The following ATRIP variants were observed in gnomAD, a reference collection of about 807,000 sequenced individuals.
The protein encoded by ATRIP is ATR interacting protein, also known as ATR-interacting protein.
A neutral mutation model predicts 78.1 loss-of-function variants in ATRIP; 44 were observed. The observed-to-expected ratio is 0.56, with a 90% confidence interval of 0.44 to 0.72. ATRIP has a LOEUF of 0.72. Among genes scored for constraint, ATRIP ranks in the 30% least tolerant of loss-of-function variants. The pLI, the probability that ATRIP is intolerant of heterozygous loss-of-function variation, is 0.00. For synonymous variants in ATRIP, 388 were observed against 408.9 expected (o/e 0.95, Z 0.62); for missense variants, 927 against 980.2 (o/e 0.95, Z 0.72).
At chr3:48,448,481 A>G (rs1162182851) in intron 1 of ATRIP, among the ~76,000 whole-genome samples, 4 of 152,198 alleles carry the variant, frequency 2.6e-5, no homozygotes, top group Admixed American at 2.0e-4. Flanking sequence ...GCACCCAGCC[A>G]TGAACACCCC....
intron 1 of ATRIP, among the ~76,000 whole-genome samples, chr3:48,448,554 G>A (rs984842570): frequency 1.3e-5 from 2 of 152,220 alleles, no homozygotes; most frequent in Non-Finnish European, 2.9e-5. Flanking sequence ...CCTTAACATG[G>A]CCTGAAAGGC....
chr3:48,466,923 G>A lies in ATRIP; in HGVS notation c.*1369G>A, dbSNP rs1158056849. ...CAGCGAGATCACAGGTCTGAGCACA[G>A]CTGTGCTGGCAGCGCATGGGCGTCA... On this transcript the variant is annotated 3_prime_UTR_variant, in exon 13 of 13. Transcript: ENST00000320211. 14 of 1,611,496 alleles carry A rather than the reference G, an allele frequency of 8.7e-6. No individual in the cohort carries two copies. The highest frequency in any genetic ancestry group is 5.3e-5 in the African/African-American group (4 of 74,944).
Position 48,464,572 on chromosome 3 carries a change from C to T in ATRIP, c.1975-10C>T, listed in dbSNP as rs769820311. 1 of 1,614,106 alleles carries T rather than the reference C, an allele frequency of 6.2e-7. No individual in the cohort carries two copies. The highest frequency in any genetic ancestry group is 8.5e-7 in the Non-Finnish European group (1 of 1,179,954). On this transcript the variant is annotated splice_polypyrimidine_tract_variant and intron_variant, in intron 10 of 12. Transcript: ENST00000320211. ...CTGCCCAGGATGGAACCAATCTGTT[C>T]TTGTTCTAGGTGGTGTGGCTCCTGG...
chr3:48,450,863 C>T (rs1278350863), intron 2 of ATRIP, among the ~76,000 whole-genome samples: 4 of 151,768 alleles, frequency 2.6e-5, no homozygotes, highest in Non-Finnish European at 5.9e-5. Flanking sequence ...GCTACCACAC[C>T]CAGCGACCCA....
At chr3:48,447,765 T>C (rs1223111432) in intron 1 of ATRIP, among the ~76,000 whole-genome samples, 2 of 152,204 alleles carry the variant, frequency 1.3e-5, no homozygotes, top group Non-Finnish European at 1.5e-5. Context: ...GATCATTTCC[T>C]GGAAACCCAG....
Position 48,450,454 on chromosome 3 carries a change from A to G in ATRIP, c.381+284A>G, listed in dbSNP as rs1004358677. 5.8e-6 allele frequency: 7 copies of G among 1,214,552 alleles called. No homozygotes were observed. In the African/African-American group the frequency reaches 1.1e-4, roughly 19 times the overall value. 75.2% of individuals were successfully genotyped at this position (1,214,552 alleles called of 1,614,324 possible). ...ATTTATAGCATGTATCTTCATGTGA[A>G]TAATACAACTTCATAATGGTTGCTA... On this transcript the variant is annotated intron_variant, in intron 2 of 12. Transcript: ENST00000320211.
chr3:48,448,417 T>G (rs957645045), intron 1 of ATRIP, among the ~76,000 whole-genome samples: 2 of 152,220 alleles, frequency 1.3e-5, no homozygotes, highest in Non-Finnish European at 2.9e-5. Flanking sequence ...TGACCTCAGG[T>G]GATCCACCCG....
chr3:48,450,589 A>ATTTTTT, intron 2 of ATRIP: 9 of 986,112 alleles, frequency 9.1e-6, no homozygotes, highest in African/African-American at 1.9e-5. Flanking sequence ...TGTGACCCAG[A>ATTTTTT]TTTTTTTTTT....
chr3:48,453,119 T>C (rs1352816691), intron 3 of ATRIP, among the ~76,000 whole-genome samples: 1 of 152,122 alleles, frequency 6.6e-6, no homozygotes, highest in African/African-American at 2.4e-5. Context: ...CCTGGGCTCA[T>C]GCAGTCCTCC....
In ATRIP at chr3:48,447,517, A is replaced by C. The variant is rs1391385498; in HGVS notation, c.247+425A>C. On this transcript the variant is annotated intron_variant, in intron 1 of 12. Transcript: ENST00000320211. ...GCAGTGTGAGCATGGGAGGAGCCAG[A>C]CACAGGCAAGAGATGAAATAAATTT... The C allele has an allele frequency of 9.1e-6, 9 of 990,784 alleles. 1 individual carries two copies. Among genetic ancestry groups the C allele is most frequent in the South Asian group, 9.4e-5 (2 of 21,384 alleles). 61.4% of individuals were successfully genotyped at this position (990,784 alleles called of 1,614,324 possible). A position where few individuals can be genotyped will look rare whatever the true frequency, so the allele number is the denominator to read the frequency against.
In ATRIP at chr3:48,462,809, A is replaced by T. The variant is rs972963997; in HGVS notation, c.1746-936A>T. ...ACCTTCTGCAAGTGGCAGATATTGG[A>T]CATCTTACAGCCCAATAATGAAACC... is the stretch of plus-strand genomic sequence containing the variant. On this transcript the variant is annotated intron_variant, in intron 8 of 12. Coordinates refer to ENST00000320211, the MANE Select transcript of ATRIP (RefSeq NM_130384.3). 5.9e-5 allele frequency among the ~76,000 whole-genome samples: 9 copies of T among 152,210 alleles called. No individual in the cohort carries two copies. In the East Asian group the frequency reaches 1.7e-3, roughly 29 times the overall value.
At position 48,463,861 on chromosome 3, in the gene ATRIP, C is replaced by T. The variant is rs959111922; in HGVS notation, c.1862C>T (p.Pro621Leu). 6.2e-7 allele frequency: 1 copy of T among 1,614,150 alleles called. No homozygotes were observed. Among genetic ancestry groups the T allele is most frequent in the Admixed American group, 1.7e-5 (1 of 60,020 alleles). The change falls in exon 9 of 13, where the codon CCT becomes CTT. Residue 621 changes from proline (P) to leucine (L), a missense_variant. Transcript: ENST00000320211. ...CTGGCGGACCACGACCAGCTGGCAC[C>T]TCAGCTCTGTTCCCACTCAGGTAAA... ...SLLADHDQLAPQLCSHSEGCL... is the reference protein window; with the variant it reads ...SLLADHDQLALQLCSHSEGCL...
At chr3:48,465,167 TCAG>T (rs2040243676) in intron 12 of ATRIP, 84 bp downstream of exon 12, 1 of 1,527,054 alleles carries the variant, frequency 6.5e-7, no homozygotes, top group Admixed American at 1.8e-5. Flanking sequence ...GGGTGTCCCC[TCAG>T]CAGGCCCCCG....
chr3:48,446,755 C>A lies in ATRIP; in HGVS notation c.-91C>A. ...GCGGGGCACTCGCGGCGGAGGCAAG[C>A]GGCGGCGCGCGGACGGTTGGTCCAG... On this transcript the variant is annotated 5_prime_UTR_variant, in exon 1 of 13. Coordinates refer to ENST00000320211, the MANE Select transcript of ATRIP (RefSeq NM_130384.3). The A allele has an allele frequency of 7.6e-7, 1 of 1,315,904 alleles. No individual in the cohort carries two copies. Among genetic ancestry groups the A allele is most frequent in the Non-Finnish European group, 9.7e-7 (1 of 1,029,676 alleles). 81.5% of individuals were successfully genotyped at this position (1,315,904 alleles called of 1,614,324 possible).
At chr3:48,465,229 G>A in intron 12 of ATRIP, 146 bp downstream of exon 12, 1 of 1,156,204 alleles carries the variant, frequency 8.6e-7, no homozygotes, top group Non-Finnish European at 1.2e-6. Flanking sequence ...TTATCTTCCT[G>A]CCTCAGTTCT....
intron 8 of ATRIP, among the ~76,000 whole-genome samples, chr3:48,463,378 CT>C (rs950890290): frequency 2.7e-4 from 41 of 152,178 alleles, no homozygotes; most frequent in African/African-American, 9.6e-4. Context: ...CTGGTCAGTC[CT>C]TCTGTGGGCA....
Position 48,460,747 on chromosome 3 carries a change from C to T in ATRIP, c.1693C>T (p.Leu565Phe), listed in dbSNP as rs1175779678. ...HLQASVLTQC[L>F]KVLVKLAENT... ...TCAAGCCAGTGTCCTGACCCAGTGC[C>T]TTAAGGTTTTGGTGAAATTAGCCGA... is the stretch of plus-strand genomic sequence containing the variant. The change falls in exon 8 of 13, where the codon CTT becomes TTT. Residue 565 changes from leucine to phenylalanine, a missense_variant. Physicochemically the swap from Leu to Phe is conservative, Grantham distance 22. Coordinates refer to ENST00000320211, the MANE Select transcript of ATRIP (RefSeq NM_130384.3). The T allele has an allele frequency of 6.2e-7, 1 of 1,606,288 alleles. No individual in the cohort carries two copies. Among genetic ancestry groups the T allele is most frequent in the Non-Finnish European group, 8.5e-7 (1 of 1,173,544 alleles).
chr3:48,447,982 A>C (rs1163710915), intron 1 of ATRIP, among the ~76,000 whole-genome samples: 1 of 152,024 alleles, frequency 6.6e-6, no homozygotes, highest in East Asian at 1.9e-4. Context: ...TCCTATTCAC[A>C]TTGCTTCTAC....
intron 4 of ATRIP, among the ~76,000 whole-genome samples, chr3:48,455,981 C>CATGGTG (rs1432122094): frequency 1.3e-5 from 2 of 151,944 alleles, no homozygotes; most frequent in Non-Finnish European, 2.9e-5. Context: ...ATTAGCTGGG[C>CATGGTG]ATGGTGGCAT....
Sources: gnomAD v4.1 joint callset for allele counts (sites outside exome capture counted in the v4.1 genomes callset) on GRCh38, gnomAD v4.1.1 for gene constraint, MANE v1.5 for transcripts, NCBI Gene and HGNC (gene_info 2026-07-23, HGNC 2026-07-21) for gene names.